The following MCF2L2 variants were observed in gnomAD, a reference collection of about 807,000 sequenced individuals.
The protein encoded by MCF2L2 is probable guanine nucleotide exchange factor MCF2L2.
In MCF2L2, 102 loss-of-function variants were observed where a neutral mutation model predicts 150.2. The ratio of observed to expected loss-of-function variants is 0.68; its 90% CI spans 0.58 to 0.80. The LOEUF (loss-of-function observed/expected upper bound fraction) is 0.80, where lower values mean the gene tolerates loss of function less well. Ranked by LOEUF, MCF2L2 falls within the 30% of genes least tolerant of loss-of-function variation. The pLI is 0.00. For missense variants in MCF2L2, 1,256 were observed against 1,372.8 expected (o/e 0.91, Z 1.34); for synonymous variants, 465 against 491.3 (o/e 0.95, Z 0.71).
At chr3:183,417,814 C>T (rs1472499873) in intron 1 of MCF2L2, among the ~76,000 whole-genome samples, 4 of 152,132 alleles carry the variant, frequency 2.6e-5, no homozygotes, top group African/African-American at 9.7e-5. Flanking sequence ...AGGAAACTCA[C>T]AATCATGGTG....
At chr3:183,366,928 T>C (rs1712555557) in intron 3 of MCF2L2, among the ~76,000 whole-genome samples, 1 of 152,260 alleles carries the variant, frequency 6.6e-6, no homozygotes, top group South Asian at 2.1e-4. Context: ...TATATGCCAC[T>C]TCTGTAAATA....
chr3:183,389,729 C>G lies in MCF2L2; in HGVS notation c.127G>C (p.Glu43Gln). Reference protein sequence around the residue: ...VRPLMAVEIIEQLHRQFAILS... With the variant: ...VRPLMAVEIIQQLHRQFAILS... ...ATGGCAAATTGTCTGTGAAGTTGTT[C>G]TATTATCTCCACCGCCATCAGGGGT... is the stretch of plus-strand genomic sequence containing the variant. The change falls in exon 2 of 30, where the codon GAA (glutamate) becomes CAA (glutamine). Residue 43 changes from glutamate (E) to glutamine (Q), a missense_variant. Physicochemically the swap from Glu to Gln is conservative, Grantham distance 29 (BLOSUM62 2). Coordinates refer to ENST00000328913, the MANE Select transcript of MCF2L2 (RefSeq NM_015078.4). The G allele has an allele frequency of 6.2e-7, 1 of 1,614,156 alleles. No individual in the cohort carries two copies. The highest frequency in any genetic ancestry group is 8.5e-7 in the Non-Finnish European group (1 of 1,179,992).
chr3:183,407,559 T>C (rs1412986272), intron 1 of MCF2L2, among the ~76,000 whole-genome samples: 1 of 152,218 alleles, frequency 6.6e-6, no homozygotes, highest in Non-Finnish European at 1.5e-5. Flanking sequence ...TCCCTCTTTC[T>C]TCTGCTTCTT....
intron 26 of MCF2L2, among the ~76,000 whole-genome samples, chr3:183,194,974 G>A (rs1722031837): frequency 6.6e-6 from 1 of 151,962 alleles, no homozygotes; most frequent in Non-Finnish European, 1.5e-5. Context: ...TTAGAGACAG[G>A]GTTTCACCAT....
chr3:183,328,422 G>A (rs796190188), intron 5 of MCF2L2, among the ~76,000 whole-genome samples: 2 of 152,098 alleles, frequency 1.3e-5, no homozygotes, highest in African/African-American at 4.8e-5. Flanking sequence ...TTGAGGGACT[G>A]AGCCCTCAAC....
chr3:183,222,262 T>C (rs1416289939), intron 20 of MCF2L2, among the ~76,000 whole-genome samples: 2 of 152,178 alleles, frequency 1.3e-5, no homozygotes, highest in Non-Finnish European at 2.9e-5. Context: ...ATGGCTGGTA[T>C]GTCTGATTGT....
chr3:183,413,144 T>C (rs1715409032), intron 1 of MCF2L2, among the ~76,000 whole-genome samples: 1 of 152,192 alleles, frequency 6.6e-6, no homozygotes, highest in Non-Finnish European at 1.5e-5. Flanking sequence ...TGAGCCTTTT[T>C]GTATCTATAG....
intron 3 of MCF2L2, among the ~76,000 whole-genome samples, chr3:183,355,941 C>T (rs984876669): frequency 6.6e-6 from 1 of 152,044 alleles, no homozygotes; most frequent in Admixed American, 6.5e-5. Flanking sequence ...CCTCCTTCCC[C>T]CCTCCCCTCC....
At chr3:183,337,920 T>C (rs556039346) in intron 5 of MCF2L2, among the ~76,000 whole-genome samples, 45 of 152,226 alleles carry the variant, frequency 3.0e-4, no homozygotes, top group Non-Finnish European at 5.0e-4. Context: ...TGTTTTCTCA[T>C]ATCTGTTTGC....
At chr3:183,207,357 T>C (rs970349576) in intron 23 of MCF2L2, among the ~76,000 whole-genome samples, 29 of 152,324 alleles carry the variant, frequency 1.9e-4, no homozygotes, top group African/African-American at 7.0e-4. Context: ...CTTTTACTAA[T>C]TAGTTTGTCC....
chr3:183,360,975 A>C (rs1190412456), intron 3 of MCF2L2, among the ~76,000 whole-genome samples: 2 of 108,352 alleles, frequency 1.8e-5, no homozygotes, highest in Non-Finnish European at 3.5e-5. Context: ...AAAGAAAAGA[A>C]AAGAAAAGAA....
chr3:183,293,507 A>G (rs1728286194), intron 13 of MCF2L2, among the ~76,000 whole-genome samples: 1 of 152,230 alleles, frequency 6.6e-6, no homozygotes, highest in South Asian at 2.1e-4. Flanking sequence ...GGACCAAATA[A>G]GCATTTGAAA....
intron 3 of MCF2L2, among the ~76,000 whole-genome samples, chr3:183,368,625 G>A (rs554364943): frequency 4.6e-5 from 7 of 152,270 alleles, no homozygotes; most frequent in South Asian, 2.1e-4. Context: ...TTAGCCAGGC[G>A]TGGTGGCAGG....
intron 15 of MCF2L2, among the ~76,000 whole-genome samples, chr3:183,268,445 T>A (rs1450571647): frequency 1.3e-5 from 2 of 150,338 alleles, no homozygotes; most frequent in African/African-American, 2.5e-5. Flanking sequence ...CATGAAGGGG[T>A]GAAGAGAGAT....
intron 13 of MCF2L2, among the ~76,000 whole-genome samples, chr3:183,294,924 A>G (rs999275998): frequency 1.5e-4 from 23 of 150,862 alleles, no homozygotes; most frequent in African/African-American, 5.6e-4. Context: ...CACCGCGCCC[A>G]GCCTAATTTT....
intron 5 of MCF2L2, among the ~76,000 whole-genome samples, chr3:183,324,596 G>A (rs1007159055): frequency 2.6e-5 from 4 of 152,034 alleles, no homozygotes; most frequent in South Asian, 2.1e-4. Flanking sequence ...AGCCAGGTAC[G>A]GTGGTTTGCA....
chr3:183,185,412 T>C (rs1721661811), intron 27 of MCF2L2, among the ~76,000 whole-genome samples: 2 of 152,264 alleles, frequency 1.3e-5, no homozygotes, highest in African/African-American at 4.8e-5. Context: ...GGCGCAAGCC[T>C]AAGGGCTTCA....
chr3:183,258,896 C>T (rs77365069), intron 15 of MCF2L2, among the ~76,000 whole-genome samples: 563 of 152,210 alleles, frequency 3.7e-3, no homozygotes, highest in African/African-American at 0.013. Context: ...GGCCCATGTA[C>T]TTTAAATCAT....
chr3:183,216,549 ATAT>A (rs1722925190), intron 21 of MCF2L2, among the ~76,000 whole-genome samples: 1 of 106,044 alleles, frequency 9.4e-6, no homozygotes, highest in African/African-American at 3.6e-5. Context: ...ATAAGTATAT[ATAT>A]TATATATATA....
Sources: allele counts gnomAD v4.1 joint callset (sites outside exome capture counted in the v4.1 genomes callset), GRCh38; gene constraint gnomAD v4.1.1; transcripts MANE v1.5; gene names NCBI Gene and HGNC (gene_info 2026-07-23, HGNC 2026-07-21).